The following RPS6KC1 variants were observed in gnomAD, a reference collection of about 807,000 sequenced individuals.
RPS6KC1 encodes ribosomal protein S6 kinase C1.
RPS6KC1 carries 54 observed loss-of-function variants against 103.8 expected under a neutral mutation model. That is an observed-to-expected ratio of 0.52 (90% CI 0.42 to 0.65). The LOEUF (loss-of-function observed/expected upper bound fraction) is 0.65. RPS6KC1 is among the 30% of genes least tolerant of loss of function. The pLI, the probability that RPS6KC1 is intolerant of heterozygous loss-of-function variation, is 0.00. For missense variants in RPS6KC1, 1,151 were observed against 1,253.8 expected, an observed-to-expected ratio of 0.92 and a Z score of 1.24; for synonymous variants, 439 against 438.7, an observed-to-expected ratio of 1.00 and a Z score of -0.01.
At chr1:213,397,455 G>A in the RPS6KC1 span, among the ~76,000 whole-genome samples, 4 of 152,022 alleles carry the variant, frequency 2.6e-5, no homozygotes, top group African/African-American at 9.7e-5. Flanking sequence ...GTAGAAGAAA[G>A]TGTTGGTTCC....
At chr1:213,327,910 A>G in the RPS6KC1 span, among the ~76,000 whole-genome samples, 1 of 151,986 alleles carries the variant, frequency 6.6e-6, no homozygotes, top group African/African-American at 2.4e-5. Context: ...CATCAATCCC[A>G]TGTCCTCAGA....
At chr1:213,392,348 T>C in the RPS6KC1 span, among the ~76,000 whole-genome samples, 1 of 151,730 alleles carries the variant, frequency 6.6e-6, no homozygotes, top group African/African-American at 2.4e-5. Context: ...TCTCAACTGG[T>C]AGAGGCTGGC....
At chr1:213,224,940 C>T (rs1174492177) in intron 8 of RPS6KC1, among the ~76,000 whole-genome samples, 7 of 152,206 alleles carry the variant, frequency 4.6e-5, no homozygotes, top group African/African-American at 1.4e-4. Flanking sequence ...ATGTTAAATG[C>T]AGTCGTTTCT....
the RPS6KC1 span, among the ~76,000 whole-genome samples, chr1:213,572,279 G>A: frequency 3.9e-5 from 6 of 152,238 alleles, no homozygotes; most frequent in African/African-American, 1.4e-4. Flanking sequence ...AGGACTCACT[G>A]ATTAAATAAA....
chr1:213,178,568 A>C (rs556243559), intron 8 of RPS6KC1, among the ~76,000 whole-genome samples: 5 of 152,176 alleles, frequency 3.3e-5, no homozygotes, highest in African/African-American at 4.8e-5. Context: ...AACAAAAAAA[A>C]ACACAACAAA....
At chr1:213,290,977 A>G in the RPS6KC1 span, among the ~76,000 whole-genome samples, 3 of 151,698 alleles carry the variant, frequency 2.0e-5, no homozygotes, top group Admixed American at 6.6e-5. Context: ...TTCCACCAGG[A>G]CTCCCGGCCA....
chr1:213,602,019 T>TTC, the RPS6KC1 span, among the ~76,000 whole-genome samples: 687 of 31,546 alleles, frequency 0.022, 145 homozygotes, highest in African/African-American at 0.057. Context: ...TTCTTTTCTT[T>TTC]CTTTCTTTCT....
chr1:213,417,640 A>C, the RPS6KC1 span, among the ~76,000 whole-genome samples: 159 of 150,538 alleles, frequency 1.1e-3, no homozygotes, highest in South Asian at 0.012. Flanking sequence ...GGGGTCGGGG[A>C]TGGGGGAGAC....
intron 5 of RPS6KC1, among the ~76,000 whole-genome samples, chr1:213,120,555 C>G (rs960367700): frequency 6.6e-6 from 1 of 152,054 alleles, no homozygotes; most frequent in East Asian, 1.9e-4. Flanking sequence ...CCAGCCAAGC[C>G]CCACAGGTAC....
chr1:213,154,364 C>T (rs555532200), intron 6 of RPS6KC1, among the ~76,000 whole-genome samples: 97 of 152,336 alleles, frequency 6.4e-4, no homozygotes, highest in African/African-American at 2.2e-3. Flanking sequence ...CCAATCCCTT[C>T]GTGGATATAG....
chr1:213,788,074 C>A, the RPS6KC1 span, among the ~76,000 whole-genome samples: 1 of 152,174 alleles, frequency 6.6e-6, no homozygotes, highest in Non-Finnish European at 1.5e-5. Context: ...AAGAGGTTAC[C>A]AGATCCAATA....
intron 7 of RPS6KC1, among the ~76,000 whole-genome samples, chr1:213,176,141 T>C (rs1481612830): frequency 6.6e-6 from 1 of 152,232 alleles, no homozygotes; most frequent in African/African-American, 2.4e-5. Flanking sequence ...TGCCAGCTCA[T>C]TAATTTTTCT....
the RPS6KC1 span, among the ~76,000 whole-genome samples, chr1:213,364,647 G>T: frequency 3.9e-5 from 6 of 152,102 alleles, no homozygotes; most frequent in African/African-American, 1.4e-4. Context: ...GGTAGAAAAT[G>T]CTGTAACTAA....
the RPS6KC1 span, among the ~76,000 whole-genome samples, chr1:213,701,351 A>G: frequency 6.6e-6 from 1 of 152,070 alleles, no homozygotes; most frequent in Non-Finnish European, 1.5e-5. Context: ...ATGATGCATC[A>G]CATTGATTGA....
the RPS6KC1 span, among the ~76,000 whole-genome samples, chr1:213,374,200 C>G: frequency 6.6e-6 from 1 of 152,170 alleles, no homozygotes; most frequent in Non-Finnish European, 1.5e-5. Context: ...ATAGTAAATG[C>G]TCAATAAATG....
chr1:213,105,347 TA>T (rs201880651), intron 4 of RPS6KC1, among the ~76,000 whole-genome samples: 3 of 149,818 alleles, frequency 2.0e-5, no homozygotes, highest in African/African-American at 2.4e-5. Flanking sequence ...GTTAACCTTC[TA>T]AAAAAAAAGA....
At chr1:213,483,066 G>A in the RPS6KC1 span, among the ~76,000 whole-genome samples, 1 of 152,106 alleles carries the variant, frequency 6.6e-6, no homozygotes, top group Non-Finnish European at 1.5e-5. Context: ...TACATTTTAA[G>A]CAAAATTTTA....
chr1:213,837,583 G>A, the RPS6KC1 span, among the ~76,000 whole-genome samples: 1 of 152,150 alleles, frequency 6.6e-6, no homozygotes. Context: ...AAAGAGGAGG[G>A]AGAGACACAC....
At chr1:213,383,432 C>T in the RPS6KC1 span, among the ~76,000 whole-genome samples, 1 of 152,152 alleles carries the variant, frequency 6.6e-6, no homozygotes, top group African/African-American at 2.4e-5. Flanking sequence ...GAGGCCCTTC[C>T]CTTGAAAGTA....
Sources: gnomAD v4.1 joint callset for allele counts (sites outside exome capture counted in the v4.1 genomes callset) on GRCh38, gnomAD v4.1.1 for gene constraint, MANE v1.5 for transcripts, NCBI Gene and HGNC (gene_info 2026-07-23, HGNC 2026-07-21) for gene names.